Variants in SRSF11 observed in about 807,000 individuals in gnomAD.
The protein encoded by SRSF11 is serine/arginine-rich splicing factor 11.
SRSF11 carries 9 observed loss-of-function variants against 56.0 expected under a neutral mutation model. The observed-to-expected ratio is 0.16, with a 90% CI of 0.10 to 0.28. The LOEUF is 0.28. Ranked by LOEUF, SRSF11 falls within the 10% of genes least tolerant of loss-of-function variation. The pLI is 1.00. For missense variants in SRSF11, 421 were observed against 600.7 expected (o/e 0.70, Z 3.13); for synonymous variants, 222 against 215.3 (o/e 1.03, Z -0.27).
rs1678025546 is a variant in SRSF11, at chr1:70,251,999, T to C, written c.*1194T>C. 1 of 152,552 alleles carries C rather than the reference T, an allele frequency of 6.6e-6. No homozygotes were observed. The highest frequency in any genetic ancestry group is 6.5e-5 in the Admixed American group (1 of 15,278). The allele number at this position is 152,552 out of a possible 1,614,324, so 9.4% of individuals were successfully genotyped here. Reference sequence around the variant, plus strand: ...GACTTTGATAATAAAACCCTTAAACTTATGTTCATGTTCCTGTAAAACCGT... The same window carrying C: ...GACTTTGATAATAAAACCCTTAAACCTATGTTCATGTTCCTGTAAAACCGT... On this transcript the variant is annotated 3_prime_UTR_variant, in exon 12 of 12. Coordinates refer to ENST00000370949, the MANE Select transcript of SRSF11 (RefSeq NM_001350605.2).
At chr1:70,206,292 T>G (rs1228433238) in intron 1 of SRSF11, among the ~76,000 whole-genome samples, 4 of 152,228 alleles carry the variant, frequency 2.6e-5, no homozygotes, top group African/African-American at 9.6e-5. Context: ...CTCAGCTGCT[T>G]CTTTACTTTA....
chr1:70,224,324 T>C (rs780732576), intron 1 of SRSF11, among the ~76,000 whole-genome samples: 2 of 152,120 alleles, frequency 1.3e-5, no homozygotes, highest in African/African-American at 2.4e-5. Context: ...ATCTGTGACA[T>C]GCTTAACTAC....
chr1:70,252,799 A>T lies in SRSF11; in HGVS notation c.*1994A>T, dbSNP rs1678125470. ...GTTCCCTCACTTGTAATCTCTGAAT[A>T]CAAATATACTAGCTTTTCTAAAGGG... On this transcript the variant is annotated 3_prime_UTR_variant, in exon 12 of 12. Coordinates refer to ENST00000370949, the MANE Select transcript of SRSF11 (RefSeq NM_001350605.2). 1.3e-5 allele frequency: 2 copies of T among 152,252 alleles called. No homozygotes were observed. Among genetic ancestry groups the T allele is most frequent in the Admixed American group, 1.3e-4 (2 of 15,282 alleles). The allele number at this position is 152,252 out of a possible 1,614,324, so 9.4% of individuals were successfully genotyped here. A position where few individuals can be genotyped will look rare whatever the true frequency, so the allele number is the denominator to read the frequency against.
In SRSF11 at chr1:70,252,946, C is replaced by T. The variant is rs578045139; in HGVS notation, c.*2141C>T. On this transcript the variant is annotated 3_prime_UTR_variant, in exon 12 of 12. Coordinates refer to ENST00000370949, the MANE Select transcript of SRSF11 (RefSeq NM_001350605.2). ...GGTAGTGTTGCACTGGGACACAAGC[C>T]TTTTAACAGATAACCAGTTGAAATC... is the stretch of plus-strand genomic sequence containing the variant. 6.6e-6 allele frequency: 1 copy of T among 152,282 alleles called. No individual in the cohort carries two copies. Among genetic ancestry groups the T allele is most frequent in the South Asian group, 2.1e-4 (1 of 4,830 alleles). 9.4% of individuals were successfully genotyped at this position (152,282 alleles called of 1,614,324 possible). A position where few individuals can be genotyped will look rare whatever the true frequency, so the allele number is the denominator to read the frequency against.
chr1:70,213,241 C>T (rs1236563041), intron 1 of SRSF11, among the ~76,000 whole-genome samples: 1 of 152,126 alleles, frequency 6.6e-6, no homozygotes, highest in Non-Finnish European at 1.5e-5. Context: ...GACACATTAG[C>T]TCATGTGGCT....
intron 8 of SRSF11, among the ~76,000 whole-genome samples, chr1:70,245,484 G>C (rs1168485017): frequency 6.6e-6 from 1 of 152,056 alleles, no homozygotes; most frequent in Non-Finnish European, 1.5e-5. Flanking sequence ...AATCAAACAA[G>C]GTAGATTAAT....
intron 2 of SRSF11, chr1:70,229,204 T>C: frequency 7.8e-7 from 1 of 1,288,964 alleles, no homozygotes; most frequent in South Asian, 1.2e-5. Context: ...TGTGTGATTT[T>C]TATAGTGGAG....
At chr1:70,244,654 A>G in intron 7 of SRSF11, 30 bp from the exon 8 acceptor site, 1 of 1,600,254 alleles carries the variant, frequency 6.2e-7, no homozygotes, top group Non-Finnish European at 8.5e-7. Flanking sequence ...ACATTTATAC[A>G]CATGTATTGG....
intron 9 of SRSF11, chr1:70,249,692 G>A (rs1454328852): frequency 3.1e-6 from 1 of 323,654 alleles, no homozygotes; most frequent in Non-Finnish European, 5.8e-6. Flanking sequence ...TGAGTAGCTG[G>A]GACTACAGGC....
chr1:70,211,597 T>C (rs1669568210), intron 1 of SRSF11, among the ~76,000 whole-genome samples: 1 of 152,194 alleles, frequency 6.6e-6, no homozygotes, highest in Non-Finnish European at 1.5e-5. Context: ...AGGCCACATA[T>C]TTATACTCAC....
In SRSF11 at chr1:70,251,445, C is replaced by CA. The variant is rs1326844371; in HGVS notation, c.*642dup. ...GCTAATTAGGGTTTAAATACAGAAACAAGATTTCAAATAAAACTGTCTTTG... is the reference window on the plus strand; with the variant it reads ...GCTAATTAGGGTTTAAATACAGAAACAAAGATTTCAAATAAAACTGTCTTTG... On this transcript the variant is annotated 3_prime_UTR_variant, in exon 12 of 12. Coordinates refer to ENST00000370949, the MANE Select transcript of SRSF11 (RefSeq NM_001350605.2). 6.6e-6 allele frequency: 1 copy of CA among 152,466 alleles called. No individual in the cohort carries two copies. The highest frequency in any genetic ancestry group is 2.4e-5 in the African/African-American group (1 of 41,396). 9.4% of individuals were successfully genotyped at this position (152,466 alleles called of 1,614,324 possible).
chr1:70,230,987 C>CTG, intron 2 of SRSF11: 2 of 1,264,882 alleles, frequency 1.6e-6, no homozygotes. Context: ...GATAACAGTG[C>CTG]TGTGTAGTAT....
In SRSF11 at chr1:70,207,457, T is replaced by C. The variant is rs1571530935; in HGVS notation, c.-26+1677T>C. Reference sequence around the variant, plus strand: ...GACCAGGAATTTGAACCTAGATCTGTCTCCAAAACCTTTCTTTTTAATCAC... The same window carrying C: ...GACCAGGAATTTGAACCTAGATCTGCCTCCAAAACCTTTCTTTTTAATCAC... On this transcript the variant is annotated intron_variant, in intron 1 of 12. Transcript: ENST00000370950. Among the ~76,000 whole-genome samples the C allele has an allele frequency of 2.0e-5, 3 of 152,100 alleles. No homozygotes were observed. The South Asian group carries it at 6.2e-4, about 32-fold the overall frequency.
intron 9 of SRSF11, among the ~76,000 whole-genome samples, chr1:70,247,756 A>G (rs558523236): frequency 6.6e-6 from 1 of 152,292 alleles, no homozygotes; most frequent in East Asian, 1.9e-4. Flanking sequence ...TCAAGAAAGT[A>G]AAAACCTAGA....
chr1:70,219,761 G>A (rs921544735), upstream of SRSF11, among the ~76,000 whole-genome samples: 4 of 152,188 alleles, frequency 2.6e-5, no homozygotes, highest in Non-Finnish European at 4.4e-5. Flanking sequence ...TAATTTTGCT[G>A]AGGCTCACAT....
At chr1:70,209,740 CTTTT>C (rs923729248) in intron 1 of SRSF11, among the ~76,000 whole-genome samples, 1 of 27,474 alleles carries the variant, frequency 3.6e-5, no homozygotes, top group African/African-American at 1.5e-4. Context: ...CACCTCGCTT[CTTTT>C]TTTTTTTTTT....
At chr1:70,242,584 AC>A (rs1181262886) in intron 7 of SRSF11, among the ~76,000 whole-genome samples, 4 of 151,770 alleles carry the variant, frequency 2.6e-5, no homozygotes, top group Non-Finnish European at 5.9e-5. Flanking sequence ...GGTGACAGAT[AC>A]AAGCCACTGA....
Position 70,249,994 on chromosome 1 carries a change from T to C in SRSF11, c.1065T>C (p.Pro355=). The C allele has an allele frequency of 6.2e-7, 1 of 1,614,152 alleles. No individual in the cohort carries two copies. The change falls in exon 10 of 12, where the codon CCT becomes CCC. Residue 355 remains proline, a synonymous_variant. Coordinates refer to ENST00000370949, the MANE Select transcript of SRSF11 (RefSeq NM_001350605.2). Reference sequence around the variant, plus strand: ...GAAGCAGGAGTGGCACAAGATCTCCTAAAAAGCCTCGGTCTCCTAAAAGAA... The same window carrying C: ...GAAGCAGGAGTGGCACAAGATCTCCCAAAAAGCCTCGGTCTCCTAAAAGAA... The part of the protein sequence containing the change: ...RRRSRSGTRS[P]KKPRSPKRKL...
Position 70,221,384 on chromosome 1 carries a change from T to C in SRSF11, c.-253T>C, listed in dbSNP as rs1045746833. 2 of 514,448 alleles carry C rather than the reference T, an allele frequency of 3.9e-6. No homozygotes were observed. The highest frequency in any genetic ancestry group is 4.0e-5 in the African/African-American group (2 of 49,716). 31.9% of individuals were successfully genotyped at this position (514,448 alleles called of 1,614,324 possible). A position where few individuals can be genotyped will look rare whatever the true frequency, so the allele number is the denominator to read the frequency against. On this transcript the variant is annotated 5_prime_UTR_variant, in exon 1 of 12. Transcript: ENST00000370949. The stretch of plus-strand genomic sequence containing the variant: ...TTGTGGGAGCTCGGGCCCGCTAGTG[T>C]CGTGGTTGGAGGCGAGGTGGGGCGG...
Sources: allele counts gnomAD v4.1 joint callset (sites outside exome capture counted in the v4.1 genomes callset), GRCh38; gene constraint gnomAD v4.1.1; transcripts MANE v1.5; gene names NCBI Gene and HGNC (gene_info 2026-07-23, HGNC 2026-07-21).